Variants in LRRC4C observed in about 807,000 individuals in gnomAD.
LRRC4C encodes the protein leucine rich repeat containing 4C, also known as leucine-rich repeat-containing protein 4C.
In LRRC4C, 5 loss-of-function variants were observed where a neutral mutation model predicts 33.6. That is an observed-to-expected ratio of 0.15 (90% CI 0.08 to 0.31). LRRC4C has a LOEUF of 0.31. Ranked by LOEUF, LRRC4C falls within the 10% of genes least tolerant of loss-of-function variation. LRRC4C has a pLI of 1.00. For missense variants in LRRC4C, 560 were observed against 796.7 expected (o/e 0.70, Z 3.58); for synonymous variants, 329 against 302.0 (o/e 1.09, Z -0.93).
At chr11:40,887,626 T>C (rs1955525081) in intron 2 of LRRC4C, among the ~76,000 whole-genome samples, 1 of 151,990 alleles carries the variant, frequency 6.6e-6, no homozygotes, top group South Asian at 2.1e-4. Flanking sequence ...GATTGACGAA[T>C]ACATTGCCAA....
chr11:40,692,428 A>G (rs1945261177), intron 2 of LRRC4C, among the ~76,000 whole-genome samples: 2 of 152,084 alleles, frequency 1.3e-5, no homozygotes, highest in African/African-American at 4.8e-5. Flanking sequence ...TTTGAAAAGT[A>G]GACCTTTGTA....
chr11:40,688,025 G>T (rs1004846193), intron 2 of LRRC4C, among the ~76,000 whole-genome samples: 1 of 150,710 alleles, frequency 6.6e-6, no homozygotes, highest in Non-Finnish European at 1.5e-5. Context: ...ATCTACTATT[G>T]TTCCATAATA....
intron 2 of LRRC4C, among the ~76,000 whole-genome samples, chr11:40,854,136 G>A (rs4284387): frequency 0.73 from 111,247 of 152,132 alleles, 41,443 homozygotes; most frequent in East Asian, 0.86. Flanking sequence ...GTAAAGAATA[G>A]CCAGTTGTCA....
intron 3 of LRRC4C, among the ~76,000 whole-genome samples, chr11:40,607,042 G>A (rs61888389): frequency 0.43 from 65,685 of 151,998 alleles, 15,254 homozygotes; most frequent in Middle Eastern, 0.57. Flanking sequence ...AGGCAAGAAA[G>A]AAGTGGAATT....
At chr11:40,283,830 G>A (rs1943651852) in intron 4 of LRRC4C, among the ~76,000 whole-genome samples, 1 of 150,142 alleles carries the variant, frequency 6.7e-6, no homozygotes, top group South Asian at 2.1e-4. Context: ...TCAGCCTCCT[G>A]AGTTGCTGGG....
chr11:40,544,635 C>A (rs1404735355), intron 3 of LRRC4C, among the ~76,000 whole-genome samples: 5 of 152,152 alleles, frequency 3.3e-5, no homozygotes, highest in African/African-American at 4.8e-5. Context: ...GATGTAGATT[C>A]TTTTGGTGGC....
At chr11:40,393,934 CTT>C (rs1367217524) in intron 3 of LRRC4C, among the ~76,000 whole-genome samples, 2 of 151,542 alleles carry the variant, frequency 1.3e-5, no homozygotes, top group East Asian at 3.9e-4. Flanking sequence ...ACATATGACT[CTT>C]AAGAGAAAAA....
intron 3 of LRRC4C, among the ~76,000 whole-genome samples, chr11:40,479,251 A>C (rs2138383605): frequency 6.6e-6 from 1 of 152,306 alleles, no homozygotes; most frequent in Non-Finnish European, 1.5e-5. Flanking sequence ...TAATTCCTAG[A>C]GTATGACATA....
chr11:40,566,086 G>GTTTTTTTTTTTTTTTTTTTTTTTTTTT, intron 3 of LRRC4C, among the ~76,000 whole-genome samples: 72 of 62,748 alleles, frequency 1.1e-3, no homozygotes, highest in East Asian at 1.9e-3. Context: ...TTTTTACTAA[G>GTTTTTTTTTTTTTTTTTTTTTTTTTTT]TTTTTTTTTT....
chr11:40,726,670 G>A (rs192555050), intron 2 of LRRC4C, among the ~76,000 whole-genome samples: 312 of 152,162 alleles, frequency 2.1e-3, no homozygotes, highest in African/African-American at 7.2e-3. Context: ...GGAAAAAGCT[G>A]GAAGCATTCC....
intron 6 of LRRC4C, among the ~76,000 whole-genome samples, chr11:40,129,293 T>C (rs1856483326): frequency 6.6e-6 from 1 of 152,200 alleles, no homozygotes; most frequent in South Asian, 2.1e-4. Flanking sequence ...TTCATAGAAG[T>C]TTCTCCTACA....
At chr11:40,246,239 G>C (rs1866327735) in intron 4 of LRRC4C, among the ~76,000 whole-genome samples, 1 of 152,058 alleles carries the variant, frequency 6.6e-6, no homozygotes, top group Admixed American at 6.6e-5. Context: ...CTCCAAAAGT[G>C]CTGCGATTAC....
At chr11:41,064,413 T>C (rs532529955) in intron 1 of LRRC4C, among the ~76,000 whole-genome samples, 51 of 152,316 alleles carry the variant, frequency 3.3e-4, no homozygotes, top group Admixed American at 1.0e-3. Flanking sequence ...TAGGAAATAA[T>C]GACAGCATAA....
chr11:41,315,517 C>T (rs559644681), intron 1 of LRRC4C, among the ~76,000 whole-genome samples: 11 of 152,276 alleles, frequency 7.2e-5, no homozygotes, highest in Non-Finnish European at 1.3e-4. Flanking sequence ...TGCCAACCAT[C>T]AACACCAACT....
chr11:41,449,036 T>G (rs904966326), intron 1 of LRRC4C, among the ~76,000 whole-genome samples: 1 of 152,190 alleles, frequency 6.6e-6, no homozygotes, highest in Non-Finnish European at 1.5e-5. Flanking sequence ...AGATTTGAGT[T>G]AATTATGCAA....
intron 3 of LRRC4C, among the ~76,000 whole-genome samples, chr11:40,451,464 C>A (rs997078055): frequency 7.2e-6 from 1 of 138,116 alleles, no homozygotes; most frequent in African/African-American, 2.7e-5. Context: ...CTGCTCTCTG[C>A]AACCTCCGCC....
intron 3 of LRRC4C, among the ~76,000 whole-genome samples, chr11:40,473,488 C>G (rs551943934): frequency 1.3e-5 from 2 of 152,236 alleles, no homozygotes; most frequent in Admixed American, 1.3e-4. Context: ...AACCCACAGT[C>G]AATATCACAC....
intron 1 of LRRC4C, among the ~76,000 whole-genome samples, chr11:41,134,036 G>T (rs1267976902): frequency 2.0e-5 from 3 of 152,216 alleles, no homozygotes; most frequent in Non-Finnish European, 2.9e-5. Context: ...TCTTGGGTTT[G>T]TGTTTTCACT....
At position 40,573,921 on chromosome 11, in the gene LRRC4C, T is replaced by C. The variant is rs142165570; in HGVS notation, c.-270+74221A>G. Among the ~76,000 whole-genome samples, 16 of 152,224 alleles carry C rather than the reference T, an allele frequency of 1.1e-4. No individual in the cohort carries two copies. In the East Asian group the frequency reaches 3.1e-3, roughly 29 times the overall value. On this transcript the variant is annotated intron_variant, in intron 3 of 6. Transcript: ENST00000528697. ...AACCATTCAGCAAACAGTTGGTGCA[T>C]TGTAAATGCTCAGCAGAGTGGCTAC...
Sources: gnomAD v4.1 joint callset for allele counts (sites outside exome capture counted in the v4.1 genomes callset) on GRCh38, gnomAD v4.1.1 for gene constraint, MANE v1.5 for transcripts, NCBI Gene and HGNC (gene_info 2026-07-23, HGNC 2026-07-21) for gene names.